The following TRMT11 variants were observed in gnomAD, a reference collection of about 807,000 sequenced individuals.
TRMT11 encodes the protein tRNA methyltransferase 11.
TRMT11 carries 53 observed loss-of-function variants against 62.8 expected under a neutral mutation model. The ratio of observed to expected loss-of-function variants is 0.84; its 90% CI spans 0.68 to 1.06. The LOEUF (loss-of-function observed/expected upper bound fraction) is 1.06. TRMT11 is among the 50% of genes least tolerant of loss of function. The pLI is 0.00. For missense variants in TRMT11, 556 were observed against 553.4 expected (o/e 1.00, Z -0.05); for synonymous variants, 188 against 190.3 (o/e 0.99, Z 0.10).
At chr6:126,190,699 C>T (rs1407664412) in intron 1 of TRMT11, among the ~76,000 whole-genome samples, 3 of 152,116 alleles carry the variant, frequency 2.0e-5, no homozygotes, top group Non-Finnish European at 4.4e-5. Flanking sequence ...TAATATTTGA[C>T]TTTCTGTGCC....
chr6:126,030,342 C>A (rs898714708), intron 12 of TRMT11, among the ~76,000 whole-genome samples: 3 of 152,148 alleles, frequency 2.0e-5, no homozygotes, highest in African/African-American at 7.2e-5. Flanking sequence ...CTGAACTGAG[C>A]CCCGTTATAT....
intron 21 of TRMT11, among the ~76,000 whole-genome samples, chr6:126,160,223 T>A (rs1018570923): frequency 2.0e-5 from 3 of 152,164 alleles, no homozygotes; most frequent in Admixed American, 1.3e-4. Context: ...CATGTCTTTT[T>A]GGAGGTCACA....
intron 17 of TRMT11, among the ~76,000 whole-genome samples, chr6:126,112,216 C>G (rs573827666): frequency 7.6e-4 from 115 of 152,198 alleles, no homozygotes; most frequent in African/African-American, 2.6e-3. Flanking sequence ...CATTAGAGAA[C>G]CTGAGCTATT....
intron 21 of TRMT11, among the ~76,000 whole-genome samples, chr6:126,153,696 A>G (rs1778084371): frequency 6.6e-6 from 1 of 152,352 alleles, no homozygotes; most frequent in South Asian, 2.1e-4. Context: ...CCAAATCTGC[A>G]CATAACCACA....
chr6:126,221,581 C>A, the TRMT11 span, among the ~76,000 whole-genome samples: 1 of 152,032 alleles, frequency 6.6e-6, no homozygotes, highest in African/African-American at 2.4e-5. Flanking sequence ...CTGTTTATGT[C>A]TTTTACCCAT....
intron 21 of TRMT11, among the ~76,000 whole-genome samples, chr6:126,154,450 G>A (rs552515157): frequency 3.3e-4 from 50 of 152,008 alleles, no homozygotes; most frequent in African/African-American, 1.1e-3. Context: ...ACTGTAGCAC[G>A]TAGAAATTTA....
downstream of TRMT11, among the ~76,000 whole-genome samples, chr6:126,205,503 C>T (rs1778780951): frequency 6.6e-6 from 1 of 150,874 alleles, no homozygotes; most frequent in Non-Finnish European, 1.5e-5. Context: ...GACTCCATCT[C>T]AAAAATAAAA....
intron 17 of TRMT11, among the ~76,000 whole-genome samples, chr6:126,082,581 T>G (rs79876375): frequency 1.3e-3 from 197 of 152,258 alleles, no homozygotes; most frequent in African/African-American, 4.6e-3. Flanking sequence ...CTAAAATGAT[T>G]TATAATCAAA....
the TRMT11 span, among the ~76,000 whole-genome samples, chr6:126,254,475 C>A: frequency 1.3e-5 from 2 of 152,206 alleles, no homozygotes; most frequent in African/African-American, 2.4e-5. Flanking sequence ...CTGGAGATTA[C>A]AAATAGAATA....
the TRMT11 span, among the ~76,000 whole-genome samples, chr6:126,219,202 G>T: frequency 6.6e-6 from 1 of 151,830 alleles, no homozygotes; most frequent in Non-Finnish European, 1.5e-5. Flanking sequence ...CTATGAAAGT[G>T]TTTTTTTTGT....
intron 17 of TRMT11, among the ~76,000 whole-genome samples, chr6:126,093,581 G>GTGTGTATATATATA (rs1777298410): frequency 1.9e-4 from 7 of 37,070 alleles, no homozygotes; most frequent in Admixed American, 3.6e-4. Flanking sequence ...AACAGGATAT[G>GTGTGTATATATATA]TATGTATATA....
chr6:126,185,351 G>A (rs1005328810), intron 1 of TRMT11, among the ~76,000 whole-genome samples: 1 of 151,974 alleles, frequency 6.6e-6, no homozygotes. Context: ...TTTTTTCAGG[G>A]GACTCTTCAG....
intron 17 of TRMT11, among the ~76,000 whole-genome samples, chr6:126,086,330 A>G (rs920387392): frequency 2.6e-5 from 4 of 152,156 alleles, no homozygotes; most frequent in Middle Eastern, 3.2e-3. Context: ...GAGTGGATAG[A>G]TTAGTTACAG....
intron 21 of TRMT11, among the ~76,000 whole-genome samples, chr6:126,132,446 C>G (rs1777796693): frequency 6.6e-6 from 1 of 151,978 alleles, no homozygotes; most frequent in African/African-American, 2.4e-5. Context: ...TTGCCTGTTA[C>G]TTGACTTTGG....
At chr6:126,160,365 T>G (rs1778175301) in intron 21 of TRMT11, among the ~76,000 whole-genome samples, 1 of 152,154 alleles carries the variant, frequency 6.6e-6, no homozygotes, top group South Asian at 2.1e-4. Flanking sequence ...CCAAAGTGTC[T>G]CAGAGTTGTT....
At chr6:126,265,571 CTTT>C in the TRMT11 span, among the ~76,000 whole-genome samples, 1 of 151,768 alleles carries the variant, frequency 6.6e-6, no homozygotes. Context: ...TTCATGTAAA[CTTT>C]TACCATATTA....
At chr6:126,078,781 G>T (rs1777092255) in intron 17 of TRMT11, among the ~76,000 whole-genome samples, 1 of 152,172 alleles carries the variant, frequency 6.6e-6, no homozygotes, top group Non-Finnish European at 1.5e-5. Flanking sequence ...GAGTGCTCTT[G>T]TCCTGGCACT....
the TRMT11 span, among the ~76,000 whole-genome samples, chr6:126,257,741 C>T: frequency 6.6e-6 from 1 of 152,064 alleles, no homozygotes; most frequent in African/African-American, 2.4e-5. Flanking sequence ...CATAAAAACA[C>T]AAAAAGTCTC....
chr6:126,089,481 C>CA (rs756241939), intron 17 of TRMT11, among the ~76,000 whole-genome samples: 8 of 152,110 alleles, frequency 5.3e-5, no homozygotes, highest in African/African-American at 7.2e-5. Context: ...CTGTTATACA[C>CA]ACAAGGAAAC....
Sources: gnomAD v4.1 joint callset for allele counts (sites outside exome capture counted in the v4.1 genomes callset) on GRCh38, gnomAD v4.1.1 for gene constraint, MANE v1.5 for transcripts, NCBI Gene and HGNC (gene_info 2026-07-23, HGNC 2026-07-21) for gene names.